The following RFTN1 variants were observed in gnomAD, a reference collection of about 807,000 sequenced individuals.
RFTN1 encodes the protein raftlin, lipid raft linker 1, also known as raftlin.
In RFTN1, 26 loss-of-function variants were observed where a neutral mutation model predicts 46.5. The observed-to-expected ratio is 0.56, with a 90% CI of 0.41 to 0.78. The LOEUF is 0.78. Ranked by LOEUF, RFTN1 falls within the 30% of genes least tolerant of loss-of-function variation. The pLI is 0.00. For missense variants in RFTN1, 693 were observed against 718.7 expected, an observed-to-expected ratio of 0.96 and a Z score of 0.41; for synonymous variants, 261 against 284.2, an observed-to-expected ratio of 0.92 and a Z score of 0.82.
At chr3:16,339,748 A>G (rs2071184891) in intron 7 of RFTN1, 1 of 152,228 alleles carries the variant, frequency 6.6e-6, no homozygotes, top group African/African-American at 2.4e-5. Context: ...CTGCCCCTGC[A>G]CTAGAACACA....
rs76237315 is a variant in RFTN1 at position 16,474,393 on chromosome 3, G to T, written c.145+19332C>A. ...GCCAGCACTATTCCCTGACATGCAG[G>T]GTGATGGACTGCTACACAGCTGCTG... On this transcript the variant is annotated intron_variant, in intron 2 of 9. Coordinates refer to ENST00000334133, the MANE Select transcript of RFTN1 (RefSeq NM_015150.2). The surrounding 1 kb of genome is among the most constrained non-coding windows in gnomAD (Gnocchi z 5.5). Among the ~76,000 whole-genome samples, 1 of 152,114 alleles carries T rather than the reference G, an allele frequency of 6.6e-6. No homozygotes were observed. The highest frequency in any genetic ancestry group is 2.4e-5 in the African/African-American group (1 of 41,428).
rs1051684809 is a variant in RFTN1 at position 16,466,656 on chromosome 3, C to T, written c.145+27069G>A. ...CCTTCTTTACAGGCAGAAGTTTCTTCCAACCTGTTACCTGCGAATTTCAAA... is the reference window on the plus strand; with the variant it reads ...CCTTCTTTACAGGCAGAAGTTTCTTTCAACCTGTTACCTGCGAATTTCAAA... On this transcript the variant is annotated intron_variant, in intron 2 of 9. Coordinates refer to ENST00000334133, the MANE Select transcript of RFTN1 (RefSeq NM_015150.2). The surrounding 1 kb of genome is among the most constrained non-coding windows in gnomAD (Gnocchi z 5.6). Among the ~76,000 whole-genome samples the T allele has an allele frequency of 1.5e-4, 23 of 152,326 alleles. No individual in the cohort carries two copies. Among genetic ancestry groups the T allele is most frequent in the African/African-American group, 4.3e-4 (18 of 41,574 alleles).
In RFTN1 at chr3:16,384,156, G is replaced by T. The variant is rs528234121; in HGVS notation, c.442-6054C>A. Among the ~76,000 whole-genome samples, 3 of 152,174 alleles carry T rather than the reference G, an allele frequency of 2.0e-5. No homozygotes were observed. The highest frequency in any genetic ancestry group is 1.3e-4 in the Admixed American group (2 of 15,292). On this transcript the variant is annotated intron_variant, in intron 4 of 9. Coordinates refer to ENST00000334133, the MANE Select transcript of RFTN1 (RefSeq NM_015150.2). The surrounding 1 kb of genome is among the most constrained non-coding windows in gnomAD (Gnocchi z 4.7). Reference sequence around the variant, plus strand: ...GACTGCAACACAGAAATTCTCCCTGGGTTTTCTCCCCTTCAAACTCAAAGA... The same window carrying T: ...GACTGCAACACAGAAATTCTCCCTGTGTTTTCTCCCCTTCAAACTCAAAGA...
In RFTN1 at chr3:16,320,622, G is replaced by T. The variant is rs478483; in HGVS notation, c.1332+2754C>A. Among the ~76,000 whole-genome samples the T allele has an allele frequency of 0.55, 83,516 of 152,104 alleles. 23,318 individuals carry two copies. The highest frequency in any genetic ancestry group is 0.65 in the African/African-American group (27,001 of 41,478). ...GGAGAAGAACGTGGTTCTTTTCCAG[G>T]GTAGTACAAAGGAGTCTGGTTTGGT... is the stretch of plus-strand genomic sequence containing the variant. On this transcript the variant is annotated intron_variant, in intron 9 of 9. Coordinates refer to ENST00000334133, the MANE Select transcript of RFTN1 (RefSeq NM_015150.2). This position sits in a 1 kb window ranked among gnomAD's most constrained non-coding sequence, Gnocchi z 4.5.
At chr3:16,386,181 G>A (rs1354995919) in intron 4 of RFTN1, among the ~76,000 whole-genome samples, 1 of 145,114 alleles carries the variant, frequency 6.9e-6, no homozygotes, top group African/African-American at 2.7e-5. Context: ...TAAAATCTGT[G>A]CATACAGAAA....
chr3:16,496,066 AAACCCACATTAAAG>A (rs1208019403), intron 1 of RFTN1, among the ~76,000 whole-genome samples: 7 of 152,268 alleles, frequency 4.6e-5, no homozygotes, highest in African/African-American at 1.7e-4. Context: ...CTGTTCCTCA[AAACCCACATTAAAG>A]AGTGAAAAGG....
intron 2 of RFTN1, among the ~76,000 whole-genome samples, chr3:16,490,471 G>A (rs2076522612): frequency 6.6e-6 from 1 of 152,134 alleles, no homozygotes; most frequent in Non-Finnish European, 1.5e-5. Context: ...ATCTGGGAAG[G>A]GCAAGACCAA....
Position 16,345,854 on chromosome 3 carries a change from GTA to G in RFTN1, c.1146+12076_1146+12077del, listed in dbSNP as rs1395095840. Among the ~76,000 whole-genome samples, 12 of 39,206 alleles carry G rather than the reference GTA, an allele frequency of 3.1e-4. No homozygotes were observed. The highest frequency in any genetic ancestry group is 1.5e-3 in the African/African-American group (9 of 5,834). 25.7% of individuals were successfully genotyped at this position (39,206 alleles called of 152,430 possible). On this transcript the variant is annotated intron_variant, in intron 7 of 9. Coordinates refer to ENST00000334133, the MANE Select transcript of RFTN1 (RefSeq NM_015150.2). The surrounding 1 kb of genome is among the most constrained non-coding windows in gnomAD (Gnocchi z 5.2). ...TGCGCGCACGCGCACATGTGCATGTGTATGTGTATAATCTCCTACTGGTTCTG... is the reference window on the plus strand; with the variant it reads ...TGCGCGCACGCGCACATGTGCATGTGTGTGTATAATCTCCTACTGGTTCTG...
Position 16,404,391 on chromosome 3 carries a change from T to TAC in RFTN1, c.441+4983_441+4984insGT, listed in dbSNP as rs1423592345. On this transcript the variant is annotated intron_variant, in intron 4 of 9. Transcript: ENST00000334133. ...TATATAATATATATAATATATAATA[T>TAC]ATATACAATATATAATATATATACA... Among the ~76,000 whole-genome samples, 2 of 67,598 alleles carry TAC rather than the reference T, an allele frequency of 3.0e-5. 1 individual carries two copies. The highest frequency in any genetic ancestry group is 1.3e-4 in the African/African-American group (2 of 15,752). 44.3% of individuals were successfully genotyped at this position (67,598 alleles called of 152,430 possible).
At chr3:16,340,368 T>G (rs2071239574) in intron 7 of RFTN1, among the ~76,000 whole-genome samples, 1 of 152,222 alleles carries the variant, frequency 6.6e-6, no homozygotes, top group Admixed American at 6.5e-5. Context: ...TACTGAATGT[T>G]AAGATACACA....
chr3:16,325,233 A>G (rs907265901), intron 8 of RFTN1, among the ~76,000 whole-genome samples: 2 of 152,236 alleles, frequency 1.3e-5, no homozygotes, highest in African/African-American at 2.4e-5. Context: ...CCACTTTTAT[A>G]GAAGGAAACA....
At chr3:16,419,408 TA>T (rs1219247474) in intron 3 of RFTN1, among the ~76,000 whole-genome samples, 4 of 152,080 alleles carry the variant, frequency 2.6e-5, no homozygotes, top group Non-Finnish European at 4.4e-5. Context: ...GTGTATGATG[TA>T]GGAAGGGGGG....
In RFTN1 at chr3:16,451,669, C is replaced by T. The variant is rs1270301244; in HGVS notation, c.146-17632G>A. Among the ~76,000 whole-genome samples, 1 of 151,524 alleles carries T rather than the reference C, an allele frequency of 6.6e-6. No individual in the cohort carries two copies. The highest frequency in any genetic ancestry group is 1.5e-5 in the Non-Finnish European group (1 of 68,002). ...ATGCCTTTTTCATCTTCACTAAGCA[C>T]ATGTCATGCACTGTGGCCATAACTT... On this transcript the variant is annotated intron_variant, in intron 2 of 9. Transcript: ENST00000334133. The surrounding 1 kb of genome is among the most constrained non-coding windows in gnomAD (Gnocchi z 4.2).
rs1417555925 is a variant in RFTN1, at chr3:16,329,320, GA to G, written c.1147-2445del. Among the ~76,000 whole-genome samples the G allele has an allele frequency of 2.0e-5, 3 of 151,488 alleles. No individual in the cohort carries two copies. The highest frequency in any genetic ancestry group is 4.4e-5 in the Non-Finnish European group (3 of 67,812). ...GTATCCTGTTACAACAGCACAAGTG[GA>G]CCGAGACAGGGCGGAAGTGGAGAAA... On this transcript the variant is annotated intron_variant, in intron 7 of 9. Transcript: ENST00000334133. The surrounding 1 kb of genome is among the most constrained non-coding windows in gnomAD (Gnocchi z 4.5).
chr3:16,325,127 TTACTC>T (rs1295952724), intron 8 of RFTN1, among the ~76,000 whole-genome samples: 1 of 152,258 alleles, frequency 6.6e-6, no homozygotes, highest in Non-Finnish European at 1.5e-5. Context: ...GAACTAATAT[TTACTC>T]TGCACCTATT....
chr3:16,421,706 G>A lies in RFTN1; in HGVS notation c.332+12145C>T, dbSNP rs140729176. The stretch of plus-strand genomic sequence containing the variant: ...CCACAAAGCTCTTATGGGCAGAGAC[G>A]GGTCAGTGTAGCCATTTCCACATGA... On this transcript the variant is annotated intron_variant, in intron 3 of 9. Coordinates refer to ENST00000334133, the MANE Select transcript of RFTN1 (RefSeq NM_015150.2). This position sits in a 1 kb window ranked among gnomAD's most constrained non-coding sequence, Gnocchi z 4.6. Among the ~76,000 whole-genome samples the A allele has an allele frequency of 1.2e-4, 19 of 152,294 alleles. No homozygotes were observed. The East Asian group carries it at 3.3e-3, about 26-fold the overall frequency.
Position 16,512,897 on chromosome 3 carries a change from AGCACCTCTGTCCC to A in RFTN1, c.-9+532_-9+544del, listed in dbSNP as rs1693725816. 1 of 152,258 alleles carries A rather than the reference AGCACCTCTGTCCC, an allele frequency of 6.6e-6. No individual in the cohort carries two copies. The highest frequency in any genetic ancestry group is 2.4e-5 in the African/African-American group (1 of 41,416). The allele number at this position is 152,258 out of a possible 1,614,324, so 9.4% of individuals were successfully genotyped here. ...GCGGCATGTCTGCTCCTACACGTCC[AGCACCTCTGTCCC>A]CAGAGCAAACCCACCTCCCAGGGCA... On this transcript the variant is annotated intron_variant, in intron 1 of 9. Coordinates refer to ENST00000334133, the MANE Select transcript of RFTN1 (RefSeq NM_015150.2). The surrounding 1 kb of genome is among the most constrained non-coding windows in gnomAD (Gnocchi z 4.3).
rs1490271816 is a variant in RFTN1 at position 16,327,677 on chromosome 3, C to T, written c.1147-801G>A. 3.3e-5 allele frequency among the ~76,000 whole-genome samples: 5 copies of T among 151,946 alleles called. No individual in the cohort carries two copies. The highest frequency in any genetic ancestry group is 7.4e-5 in the Non-Finnish European group (5 of 67,984). On this transcript the variant is annotated intron_variant, in intron 7 of 9. Coordinates refer to ENST00000334133, the MANE Select transcript of RFTN1 (RefSeq NM_015150.2). The surrounding 1 kb of genome is among the most constrained non-coding windows in gnomAD (Gnocchi z 4.2). ...TCGGGAGGCTGAGGCAGGAGAATGG[C>T]GTGAACCCGGGAGGTGGAGCTTGCA... is the stretch of plus-strand genomic sequence containing the variant.
At position 16,481,486 on chromosome 3, in the gene RFTN1, A is replaced by G. The variant is rs1164629727; in HGVS notation, c.145+12239T>C. 6.6e-6 allele frequency among the ~76,000 whole-genome samples: 1 copy of G among 152,202 alleles called. No homozygotes were observed. Among genetic ancestry groups the G allele is most frequent in the Admixed American group, 6.5e-5 (1 of 15,288 alleles). On this transcript the variant is annotated intron_variant, in intron 2 of 9. Coordinates refer to ENST00000334133, the MANE Select transcript of RFTN1 (RefSeq NM_015150.2). The surrounding 1 kb of genome is among the most constrained non-coding windows in gnomAD (Gnocchi z 5.1). ...CCTCAACTCATAACTCATGCCATTGACTTCCTTGCATGAATCTCAAAAACA... is the reference window on the plus strand; with the variant it reads ...CCTCAACTCATAACTCATGCCATTGGCTTCCTTGCATGAATCTCAAAAACA...
Sources: allele counts gnomAD v4.1 joint callset (sites outside exome capture counted in the v4.1 genomes callset), GRCh38; gene constraint gnomAD v4.1.1; non-coding constraint Gnocchi (gnomAD v3.1); transcripts MANE v1.5; gene names NCBI Gene and HGNC (gene_info 2026-07-23, HGNC 2026-07-21).